The following SLC14A2 variants were observed in gnomAD, a reference collection of about 807,000 sequenced individuals.
SLC14A2 encodes solute carrier family 14 member 2.
SLC14A2 carries 91 observed loss-of-function variants against 104.6 expected under a neutral mutation model. The observed-to-expected ratio is 0.87, with a 90% confidence interval of 0.73 to 1.04. SLC14A2 has a LOEUF of 1.04. SLC14A2 is among the 50% of genes least tolerant of loss of function. The probability of loss-of-function intolerance (pLI) is 0.00; values close to 1 mark genes in which losing one functional copy is unlikely to be tolerated. For missense variants in SLC14A2, 1,189 were observed against 1,156.0 expected (o/e 1.03, Z -0.41); for synonymous variants, 476 against 466.4 (o/e 1.02, Z -0.27).
chr18:45,634,074 A>G (rs973516026), intron 5 of SLC14A2, among the ~76,000 whole-genome samples: 1 of 152,068 alleles, frequency 6.6e-6, no homozygotes, highest in African/African-American at 2.4e-5. Context: ...AGTGCCCCCC[A>G]TCCCACTTCC....
intron 18 of SLC14A2, among the ~76,000 whole-genome samples, chr18:45,674,674 A>G (rs2046198138): frequency 6.6e-6 from 1 of 152,106 alleles, no homozygotes. Flanking sequence ...AACACCCACC[A>G]CAAAGTAGGC....
At chr18:45,595,859 G>A (rs902706487) in intron 2 of SLC14A2, among the ~76,000 whole-genome samples, 9 of 152,098 alleles carry the variant, frequency 5.9e-5, no homozygotes, top group East Asian at 5.8e-4. Context: ...TCTGATGTTC[G>A]GAGCGAACAT....
At chr18:45,350,596 G>C (rs2085493346) in intron 1 of SLC14A2, among the ~76,000 whole-genome samples, 1 of 152,164 alleles carries the variant, frequency 6.6e-6, no homozygotes, top group Non-Finnish European at 1.5e-5. Context: ...TCACACATTA[G>C]GTACCTAATT....
chr18:45,541,819 T>G (rs962300397), intron 2 of SLC14A2, among the ~76,000 whole-genome samples: 11 of 152,126 alleles, frequency 7.2e-5, no homozygotes, highest in Non-Finnish European at 1.6e-4. Context: ...TGGGGCTTCA[T>G]GAGATATAAT....
intron 1 of SLC14A2, among the ~76,000 whole-genome samples, chr18:45,426,573 C>CATATATATAGT (rs2086430957): frequency 6.7e-6 from 1 of 149,194 alleles, no homozygotes; most frequent in South Asian, 2.1e-4. Context: ...TGTATACACA[C>CATATATATAGT]ATATATATAG....
chr18:45,654,796 A>G (rs1419038013), intron 10 of SLC14A2, among the ~76,000 whole-genome samples: 1 of 152,152 alleles, frequency 6.6e-6, no homozygotes, highest in East Asian at 1.9e-4. Context: ...CTCATCCATC[A>G]GCCCTCAAAT....
At chr18:45,324,190 CA>C (rs2085212082) in intron 1 of SLC14A2, among the ~76,000 whole-genome samples, 1 of 152,038 alleles carries the variant, frequency 6.6e-6, no homozygotes, top group South Asian at 2.1e-4. Context: ...CAAAGTAGAA[CA>C]CTCTGTTAAG....
intron 10 of SLC14A2, among the ~76,000 whole-genome samples, chr18:45,651,476 A>C (rs2045735899): frequency 6.6e-6 from 1 of 152,206 alleles, no homozygotes; most frequent in Admixed American, 6.5e-5. Flanking sequence ...GCACAGAGGG[A>C]GTGCACTAGG....
intron 1 of SLC14A2, among the ~76,000 whole-genome samples, chr18:45,385,930 C>T (rs1415870044): frequency 2.0e-5 from 3 of 152,158 alleles, no homozygotes; most frequent in Non-Finnish European, 4.4e-5. Context: ...ACTGAGCCCC[C>T]ACCATGTCCC....
chr18:45,483,649 G>GAA (rs1232035486), intron 2 of SLC14A2, among the ~76,000 whole-genome samples: 1 of 152,158 alleles, frequency 6.6e-6, no homozygotes, highest in African/African-American at 2.4e-5. Context: ...AAAGGAGAGG[G>GAA]AATGGGTGAG....
intron 1 of SLC14A2, among the ~76,000 whole-genome samples, chr18:45,378,307 T>C (rs2085797081): frequency 6.6e-6 from 1 of 152,166 alleles, no homozygotes; most frequent in Non-Finnish European, 1.5e-5. Context: ...TGAAGACAGC[T>C]CCTTTTATTG....
At chr18:45,538,200 C>T (rs1203043522) in intron 2 of SLC14A2, among the ~76,000 whole-genome samples, 2 of 152,190 alleles carry the variant, frequency 1.3e-5, no homozygotes, top group African/African-American at 4.8e-5. Flanking sequence ...TGTCAGCCAA[C>T]CCTGCTGGAA....
At chr18:45,216,737 G>A (rs896724433) in intron 1 of SLC14A2, among the ~76,000 whole-genome samples, 1 of 152,068 alleles carries the variant, frequency 6.6e-6, no homozygotes, top group African/African-American at 2.4e-5. Flanking sequence ...AGCAGTCCTG[G>A]GTGTTCTGGA....
chr18:45,509,360 G>A (rs753699129), intron 2 of SLC14A2, among the ~76,000 whole-genome samples: 8 of 151,698 alleles, frequency 5.3e-5, no homozygotes, highest in Non-Finnish European at 1.5e-5. Context: ...TTCTCCATAA[G>A]TTTTCTTCCT....
intron 1 of SLC14A2, among the ~76,000 whole-genome samples, chr18:45,351,102 C>A (rs2085499105): frequency 1.3e-5 from 2 of 152,100 alleles, no homozygotes; most frequent in Non-Finnish European, 2.9e-5. Flanking sequence ...CTTCTCAGTT[C>A]CTGTGCTTTC....
intron 1 of SLC14A2, among the ~76,000 whole-genome samples, chr18:45,462,423 A>G (rs2144643853): frequency 6.6e-6 from 1 of 152,272 alleles, no homozygotes; most frequent in South Asian, 2.1e-4. Context: ...GGGCCCATAA[A>G]TTCCCTAGCT....
At position 45,641,326 on chromosome 18, in the gene SLC14A2, T is replaced by C. The variant is rs2045524633; in HGVS notation, c.1109T>C (p.Leu370Pro). ...TATGCCCTCACCTGGCAGACTCACC[T>C]GCTGGCCCTCATCTGTGGTAGGTGT... ...MFYALTWQTH[L>P]LALICALFCA... The change falls in exon 8 of 20, where the codon CTG becomes CCG. Residue 370 changes from leucine (L) to proline (P), a missense_variant. Physicochemically the swap from Leu to Pro is moderately conservative, Grantham distance 98. Transcript: ENST00000255226. The C allele has an allele frequency of 6.2e-7, 1 of 1,614,244 alleles. No homozygotes were observed. The highest frequency in any genetic ancestry group is 2.2e-5 in the East Asian group (1 of 44,882).
intron 1 of SLC14A2, among the ~76,000 whole-genome samples, chr18:45,478,748 A>G (rs1181475126): frequency 1.3e-5 from 2 of 152,150 alleles, no homozygotes; most frequent in Non-Finnish European, 2.9e-5. Context: ...GGATATGTGT[A>G]CAAGTTAATT....
intron 2 of SLC14A2, among the ~76,000 whole-genome samples, chr18:45,544,347 T>C (rs1206256740): frequency 6.6e-6 from 1 of 152,210 alleles, no homozygotes; most frequent in East Asian, 1.9e-4. Context: ...GCTTTGTCAA[T>C]TAGTGTATAT....
Sources: gnomAD v4.1 joint callset for allele counts (sites outside exome capture counted in the v4.1 genomes callset) on GRCh38, gnomAD v4.1.1 for gene constraint, MANE v1.5 for transcripts, NCBI Gene and HGNC (gene_info 2026-07-23, HGNC 2026-07-21) for gene names.